RPS6KA3: variants seen among roughly 807,000 people sequenced by gnomAD.
RPS6KA3 encodes the protein ribosomal protein S6 kinase alpha-3.
RPS6KA3 carries 4 observed loss-of-function variants against 67.2 expected under a neutral mutation model. The ratio of observed to expected loss-of-function variants is 0.06; its 90% CI spans 0.03 to 0.14. RPS6KA3 has a LOEUF of 0.14. RPS6KA3 is among the 10% of genes least tolerant of loss of function. RPS6KA3 has a pLI of 1.00. For missense variants in RPS6KA3, 204 were observed against 559.0 expected (o/e 0.36, Z 6.40); for synonymous variants, 182 against 183.7 (o/e 0.99, Z 0.07).
chrX:20,251,122 A>T (rs920308083), intron 1 of RPS6KA3, among the ~76,000 whole-genome samples: 2 of 111,216 alleles, frequency 1.8e-5, no homozygotes, highest in African/African-American at 6.6e-5. Context: ...ATGGTGTGCC[A>T]TATCCTTCTG....
chrX:20,177,756 T>G (rs1321331422), intron 10 of RPS6KA3, among the ~76,000 whole-genome samples: 1 of 111,837 alleles, frequency 8.9e-6, no homozygotes, highest in Non-Finnish European at 1.9e-5. Flanking sequence ...CAAAGGGAAT[T>G]TAAGAAACCT....
chrX:20,173,277 T>C (rs1326035787), intron 14 of RPS6KA3, among the ~76,000 whole-genome samples: 1 of 112,186 alleles, frequency 8.9e-6, no homozygotes, highest in African/African-American at 3.2e-5. Flanking sequence ...AGAATTAGAA[T>C]ATCTGAATTC....
At chrX:20,263,733 T>C (rs2070297497) in intron 1 of RPS6KA3, among the ~76,000 whole-genome samples, 1 of 111,985 alleles carries the variant, frequency 8.9e-6, no homozygotes, top group African/African-American at 3.2e-5. Context: ...AATCATCCTA[T>C]TCCTGACTTT....
intron 2 of RPS6KA3, among the ~76,000 whole-genome samples, chrX:20,212,616 G>C (rs1239650223): frequency 9.0e-6 from 1 of 110,724 alleles, no homozygotes; most frequent in Admixed American, 9.5e-5. Flanking sequence ...GTGCGAGCCT[G>C]TAGTCCCAGC....
chrX:20,226,836 A>G (rs1233318691), intron 2 of RPS6KA3, among the ~76,000 whole-genome samples: 1 of 111,530 alleles, frequency 9.0e-6, no homozygotes, highest in Non-Finnish European at 1.9e-5. Flanking sequence ...AATTTCAGAT[A>G]TTACCTTTAG....
chrX:20,223,148 T>C (rs1464851429), intron 2 of RPS6KA3, among the ~76,000 whole-genome samples: 1 of 111,963 alleles, frequency 8.9e-6, no homozygotes, highest in Non-Finnish European at 1.9e-5. Flanking sequence ...AATCCATTGT[T>C]TTAGTATAAT....
chrX:20,231,479 C>T (rs2069262808), intron 2 of RPS6KA3, among the ~76,000 whole-genome samples: 1 of 111,102 alleles, frequency 9.0e-6, no homozygotes, highest in African/African-American at 3.3e-5. Context: ...TATAAGACTA[C>T]ATATAAGACT....
At chrX:20,184,042 T>C (rs1393573560) in intron 10 of RPS6KA3, among the ~76,000 whole-genome samples, 20 of 112,228 alleles carry the variant, frequency 1.8e-4, no homozygotes, top group East Asian at 2.8e-4. Flanking sequence ...TAACTTTCCT[T>C]TTACTTTTTT....
At chrX:20,220,024 G>A in intron 2 of RPS6KA3, among the ~76,000 whole-genome samples, 1 of 111,215 alleles carries the variant, frequency 9.0e-6, no homozygotes, top group Non-Finnish European at 1.9e-5. Flanking sequence ...TGTGGTCAAG[G>A]TAGGCCCATA....
intron 20 of RPS6KA3, among the ~76,000 whole-genome samples, chrX:20,157,306 A>T (rs1286679981): frequency 9.3e-6 from 1 of 107,913 alleles, no homozygotes; most frequent in African/African-American, 3.4e-5. Context: ...ACAGAAATGA[A>T]GTCTAGGCAA....
chrX:20,178,043 C>G (rs2067742248), intron 10 of RPS6KA3, among the ~76,000 whole-genome samples: 2 of 111,601 alleles, frequency 1.8e-5, no homozygotes, highest in African/African-American at 6.5e-5. Flanking sequence ...AGAAACAGAT[C>G]CATTTATTAT....
In RPS6KA3 at chrX:20,194,317, G is replaced by A. The variant is rs766433740; in HGVS notation, c.407-49C>T. On this transcript the variant is annotated intron_variant, in intron 5 of 21. Coordinates refer to ENST00000379565, the MANE Select transcript of RPS6KA3 (RefSeq NM_004586.3). ...CATTTAGTCCACCATAATTTTTTTAGGTTTACATTAGGTCATTCATAAATG... is the reference window on the plus strand; with the variant it reads ...CATTTAGTCCACCATAATTTTTTTAAGTTTACATTAGGTCATTCATAAATG... 1.6e-5 allele frequency: 12 copies of A among 762,755 alleles called. No individual in the cohort carries two copies. The Admixed American group carries it at 2.8e-4, about 18-fold the overall frequency. 62.9% of individuals were successfully genotyped at this position (762,755 alleles called of 1,213,427 possible).
At chrX:20,165,898 C>T (rs1157826885) in intron 17 of RPS6KA3, among the ~76,000 whole-genome samples, 1 of 111,094 alleles carries the variant, frequency 9.0e-6, no homozygotes, top group Non-Finnish European at 1.9e-5. Flanking sequence ...CCAGTGGATT[C>T]CTGAAATTGA....
At chrX:20,207,037 G>A (rs191281145) in intron 3 of RPS6KA3, among the ~76,000 whole-genome samples, 3 of 111,977 alleles carry the variant, frequency 2.7e-5, no homozygotes, top group East Asian at 5.6e-4. Flanking sequence ...AAGAGAGGAC[G>A]CTGAAAGGTT....
Position 20,193,073 on chromosome X carries a change from T to C in RPS6KA3, c.593+414A>G, listed in dbSNP as rs1223953596. On this transcript the variant is annotated intron_variant, in intron 7 of 21. Coordinates refer to ENST00000379565, the MANE Select transcript of RPS6KA3 (RefSeq NM_004586.3). ...CAGGTGGATCACCTGAGGTCAGGAG[T>C]TCGAGACCAGCCTGGCCAACATGGT... is the stretch of plus-strand genomic sequence containing the variant. Among the ~76,000 whole-genome samples, 3 of 110,944 alleles carry C rather than the reference T, an allele frequency of 2.7e-5. No individual in the cohort carries two copies. In the Admixed American group the frequency reaches 2.9e-4, roughly 11 times the overall value.
At chrX:20,209,989 G>C (rs2068669974) in intron 2 of RPS6KA3, among the ~76,000 whole-genome samples, 1 of 111,992 alleles carries the variant, frequency 8.9e-6, no homozygotes, top group South Asian at 3.7e-4. Flanking sequence ...TGGGATCTGA[G>C]AGGGGAGAAA....
At chrX:20,194,374 C>A in intron 5 of RPS6KA3, 106 bp from the exon 6 acceptor site, 1 of 505,255 alleles carries the variant, frequency 2.0e-6, no homozygotes, top group South Asian at 3.0e-5. Flanking sequence ...TATCAAATGT[C>A]CAAACTTACT....
intron 13 of RPS6KA3, among the ~76,000 whole-genome samples, 173 bp downstream of exon 13, chrX:20,176,077 G>A (rs962686450): frequency 1.8e-5 from 2 of 111,202 alleles, no homozygotes; most frequent in African/African-American, 6.5e-5. Flanking sequence ...CACTATGTTG[G>A]CCAAGCTGGT....
intron 1 of RPS6KA3, among the ~76,000 whole-genome samples, chrX:20,240,349 C>T (rs1318325756): frequency 1.1e-5 from 1 of 88,436 alleles, no homozygotes; most frequent in Non-Finnish European, 2.2e-5. Context: ...ATCTACTTTC[C>T]AAACTCCCTG....
Sources: gnomAD v4.1 joint callset for allele counts (sites outside exome capture counted in the v4.1 genomes callset) on GRCh38, gnomAD v4.1.1 for gene constraint, MANE v1.5 for transcripts, NCBI Gene and HGNC (gene_info 2026-07-23, HGNC 2026-07-21) for gene names.